Variants in ARHGEF10 observed in about 807,000 individuals in gnomAD.
ARHGEF10 encodes the protein Rho guanine nucleotide exchange factor (GEF) 10.
Under a neutral mutation model 147.4 loss-of-function variants are expected in ARHGEF10, and 140 were observed. That is an observed-to-expected ratio of 0.95 (90% CI 0.83 to 1.09). The LOEUF is 1.09. ARHGEF10 is among the 50% of genes least tolerant of loss of function. ARHGEF10 has a pLI of 0.00. For synonymous variants in ARHGEF10, 902 were observed against 695.8 expected (o/e 1.30, Z -4.67); for missense variants, 2,222 against 1,752.7 (o/e 1.27, Z -4.78).
intron 26 of ARHGEF10, among the ~76,000 whole-genome samples, chr8:1,942,880 G>C (rs905470598): frequency 2.0e-5 from 3 of 152,204 alleles, no homozygotes; most frequent in Non-Finnish European, 4.4e-5. Flanking sequence ...TGTCAGAACA[G>C]GCAAATCCAG....
At chr8:1,892,275 CTCTGTG>C (rs1809593026) in intron 11 of ARHGEF10, among the ~76,000 whole-genome samples, 3 of 93,422 alleles carry the variant, frequency 3.2e-5, no homozygotes, top group South Asian at 7.7e-4. Context: ...CAGCTTCTGG[CTCTGTG>C]TGTGTGTGTG....
At chr8:1,874,015 G>C (rs1271756815) in intron 7 of ARHGEF10, among the ~76,000 whole-genome samples, 2 of 152,246 alleles carry the variant, frequency 1.3e-5, no homozygotes, top group Non-Finnish European at 2.9e-5. Context: ...CGACAAGATT[G>C]TCATCGAGGA....
chr8:1,919,487 T>C (rs35245882), intron 18 of ARHGEF10, among the ~76,000 whole-genome samples: 9,651 of 145,742 alleles, frequency 0.066, 472 homozygotes, highest in African/African-American at 0.095. Context: ...TGTCCAGTGA[T>C]GGAGCTGTTC....
Position 1,860,453 on chromosome 8 carries a change from C to T in ARHGEF10, c.481+269C>T, listed in dbSNP as rs182601908. Reference sequence around the variant, plus strand: ...TGGTTCCGTAGAGTCTGGGCCTGACCTTCCCTCCTCCTCCTCTCCATGCCC... The same window carrying T: ...TGGTTCCGTAGAGTCTGGGCCTGACTTTCCCTCCTCCTCCTCTCCATGCCC... On this transcript the variant is annotated intron_variant, in intron 4 of 28. Coordinates refer to ENST00000349830, the MANE Select transcript of ARHGEF10 (RefSeq NM_014629.4). Among the ~76,000 whole-genome samples, 530 of 148,952 alleles carry T rather than the reference C, an allele frequency of 3.6e-3. 9 individuals are homozygous for T. Among genetic ancestry groups the T allele is most frequent in the African/African-American group, 0.013 (503 of 39,356 alleles).
chr8:1,887,223 A>C (rs1022649603), intron 11 of ARHGEF10, among the ~76,000 whole-genome samples: 2 of 152,228 alleles, frequency 1.3e-5, no homozygotes, highest in African/African-American at 4.8e-5. Context: ...ATAGCAAAAG[A>C]AGGGAAAAGC....
chr8:1,878,411 T>C (rs1019522194), intron 8 of ARHGEF10, among the ~76,000 whole-genome samples: 2 of 152,118 alleles, frequency 1.3e-5, no homozygotes, highest in Admixed American at 1.3e-4. Flanking sequence ...GGTCTCGAAC[T>C]CCTGACCTCG....
chr8:1,920,070 C>CCG (rs1563286514), intron 18 of ARHGEF10, among the ~76,000 whole-genome samples: 96 of 148,942 alleles, frequency 6.4e-4, no homozygotes, highest in Non-Finnish European at 1.1e-3. Context: ...TGGAGCTGTT[C>CCG]TGTGGGTGAT....
At chr8:1,952,925 A>G (rs1055132860) in intron 28 of ARHGEF10, 98 bp downstream of exon 28, 2 of 1,522,866 alleles carry the variant, frequency 1.3e-6, no homozygotes, top group Non-Finnish European at 1.8e-6. Context: ...GATTCTTTAA[A>G]CAATTCATAT....
At chr8:1,914,110 C>T (rs948703867) in intron 18 of ARHGEF10, among the ~76,000 whole-genome samples, 12 of 152,204 alleles carry the variant, frequency 7.9e-5, no homozygotes, top group Admixed American at 5.2e-4. Context: ...GGGAGGAAGG[C>T]GGGCGTGACT....
intron 21 of ARHGEF10, among the ~76,000 whole-genome samples, chr8:1,924,757 G>A (rs550889050): frequency 3.0e-4 from 45 of 152,326 alleles, no homozygotes; most frequent in African/African-American, 1.1e-3. Context: ...AAGAGAATGA[G>A]CTGAACGTGC....
chr8:1,901,042 G>T (rs928292638), intron 15 of ARHGEF10, among the ~76,000 whole-genome samples: 1 of 152,098 alleles, frequency 6.6e-6, no homozygotes, highest in Non-Finnish European at 1.5e-5. Flanking sequence ...GAGGGGAGCA[G>T]GGTGGGTCCA....
chr8:1,885,815 G>A, intron 11 of ARHGEF10, 108 bp downstream of exon 11: 4 of 891,984 alleles, frequency 4.5e-6, no homozygotes, highest in South Asian at 4.2e-5. Flanking sequence ...CTCAAACTCT[G>A]CATCCACTCG....
At chr8:1,832,747 C>A (rs1185277507) in intron 1 of ARHGEF10, among the ~76,000 whole-genome samples, 1 of 11,078 alleles carries the variant, frequency 9.0e-5, no homozygotes, top group African/African-American at 2.7e-4. Context: ...GAGGCAGAGG[C>A]AGAGACAGAG....
rs377270010 is a variant in ARHGEF10, at chr8:1,882,676, C to T, written c.1002C>T (p.Asp334=). The T allele has an allele frequency of 4.9e-5, 77 of 1,556,684 alleles. No homozygotes were observed. The highest frequency in any genetic ancestry group is 1.8e-4 in the African/African-American group (13 of 73,688). The change falls in exon 10 of 29, where the codon GAC becomes GAT. Residue 334 remains aspartate, a synonymous_variant. Coordinates refer to ENST00000349830, the MANE Select transcript of ARHGEF10 (RefSeq NM_014629.4). Reference sequence around the variant, plus strand: ...AGGCCGCGAAGGACGGCACCAAGGACGGGCTGGAGAGGACCAGGGCAGCCG... The same window carrying T: ...AGGCCGCGAAGGACGGCACCAAGGATGGGCTGGAGAGGACCAGGGCAGCCG... ...LVKAAKDGTK[D]GLERTRAAVK... is the part of the protein sequence containing the mutation.
chr8:1,918,299 G>A lies in ARHGEF10; in HGVS notation c.2144-4665G>A, dbSNP rs1182849984. Among the ~76,000 whole-genome samples the A allele has an allele frequency of 2.6e-5, 4 of 152,094 alleles. No homozygotes were observed. In the South Asian group the frequency reaches 6.2e-4, roughly 24 times the overall value. ...TGTGGTGTCATCTGTGCCCTGAGGT[G>A]CCCTATTATGAACTGTCTGATGATC... is the stretch of plus-strand genomic sequence containing the variant. On this transcript the variant is annotated intron_variant, in intron 18 of 28. Coordinates refer to ENST00000349830, the MANE Select transcript of ARHGEF10 (RefSeq NM_014629.4).
chr8:1,947,214 C>G (rs1814661194), intron 27 of ARHGEF10, among the ~76,000 whole-genome samples: 1 of 152,180 alleles, frequency 6.6e-6, no homozygotes. Flanking sequence ...GTTCTGTACA[C>G]AAGGGGAGGT....
At chr8:1,833,094 GCAGAGAGA>G (rs1803331372) in intron 1 of ARHGEF10, among the ~76,000 whole-genome samples, 1 of 1,056 alleles carries the variant, frequency 9.5e-4, no homozygotes, top group Non-Finnish European at 2.0e-3. Flanking sequence ...AGAGACAGAG[GCAGAGAGA>G]CAGAGACAGA....
At chr8:1,835,192 C>T (rs868805315) in intron 1 of ARHGEF10, among the ~76,000 whole-genome samples, 4 of 152,118 alleles carry the variant, frequency 2.6e-5, no homozygotes, top group Non-Finnish European at 1.5e-5. Context: ...GAGGAGTGGA[C>T]GATAGGAAAC....
chr8:1,853,034 AGGTTAGATTTGGGCCGGGCGCTGGCGGGT>A (rs1334326059), intron 2 of ARHGEF10, among the ~76,000 whole-genome samples: 4 of 152,254 alleles, frequency 2.6e-5, no homozygotes, highest in African/African-American at 7.2e-5. Flanking sequence ...AATGGTCCCC[AGGTTAGATTTGGGCCGGGCGCTGGCGGGT>A]GGTTAGATTT....
Sources: gnomAD v4.1 joint callset for allele counts (sites outside exome capture counted in the v4.1 genomes callset) on GRCh38, gnomAD v4.1.1 for gene constraint, MANE v1.5 for transcripts, NCBI Gene and HGNC (gene_info 2026-07-23, HGNC 2026-07-21) for gene names.